Variants in RBCK1 observed in about 807,000 individuals in gnomAD.
RBCK1 encodes the protein RANBP2-type and C3HC4-type zinc finger containing 1.
Under a neutral mutation model 71.1 loss-of-function variants are expected in RBCK1, and 44 were observed. That is an observed-to-expected ratio of 0.62 (90% confidence interval 0.49 to 0.80). RBCK1 has a LOEUF of 0.80. Among genes scored for constraint, RBCK1 ranks in the 30% least tolerant of loss-of-function variants. RBCK1 has a pLI of 0.00. For synonymous variants in RBCK1, 306 were observed against 279.7 expected, an observed-to-expected ratio of 1.09 and a Z score of -0.94; for missense variants, 569 against 685.0, an observed-to-expected ratio of 0.83 and a Z score of 1.89.
Position 422,223 on chromosome 20 carries a change from G to A in RBCK1, c.1014G>A (p.Glu338=). 1 of 1,613,564 alleles carries A rather than the reference G, an allele frequency of 6.2e-7. No homozygotes were observed. The highest frequency in any genetic ancestry group is 8.5e-7 in the Non-Finnish European group (1 of 1,179,934). Residue 338 remains glutamate (E), a synonymous_variant, in exon 8 of 12, where the codon GAG becomes GAA. Coordinates refer to ENST00000356286, the MANE Select transcript of RBCK1 (RefSeq NM_031229.4). The surrounding 1 kb of genome is among the most constrained non-coding windows in gnomAD (Gnocchi z 5.0). ...NTYSCSGKLL[E]REIKALLTPE... ...ACTCGTGCTCGGGCAAGCTGCTGGA[G>A]AGGGAGATCAAGGCGGTAAGGCCTC...
Position 428,685 on chromosome 20 carries a change from C to T in RBCK1, c.1308+96C>T. On this transcript the variant is annotated intron_variant, in intron 10 of 11. Transcript: ENST00000356286. The surrounding 1 kb of genome is among the most constrained non-coding windows in gnomAD (Gnocchi z 5.7). ...CAGTAAGGGCTGTGCTCACACATCC[C>T]TGGAGGCTCTGACCTCCCTTCTGGC... The T allele has an allele frequency of 7.2e-7, 1 of 1,382,792 alleles. No homozygotes were observed. The allele number at this position is 1,382,792 out of a possible 1,614,324, so 85.7% of individuals were successfully genotyped here. A position where few individuals can be genotyped will look rare whatever the true frequency, so the allele number is the denominator to read the frequency against.
chr20:417,131 G>C lies in RBCK1; in HGVS notation c.168-395G>C. ...ACAGCAGTACCTGTCTGATGGGTTG[G>C]TTGAGAGGATTAAATGAGTTAATAC... On this transcript the variant is annotated intron_variant, in intron 2 of 11. Transcript: ENST00000356286. The surrounding 1 kb of genome is among the most constrained non-coding windows in gnomAD (Gnocchi z 4.7). 6.4e-6 allele frequency: 3 copies of C among 467,098 alleles called. No homozygotes were observed. Among genetic ancestry groups the C allele is most frequent in the South Asian group, 4.7e-5 (3 of 63,942 alleles). The allele number at this position is 467,098 out of a possible 1,614,324, so 28.9% of individuals were successfully genotyped here.
rs529943840 is a variant in RBCK1 at position 431,774 on chromosome 20, C to T, written c.*1344C>T. ...CCTGCATTGGCTCAGGGCAGTCAAC[C>T]GTCGCAGAGGATGAGGGGCACACTC... On this transcript the variant is annotated 3_prime_UTR_variant, in exon 12 of 12. Coordinates refer to ENST00000356286, the MANE Select transcript of RBCK1 (RefSeq NM_031229.4). The surrounding 1 kb of genome is among the most constrained non-coding windows in gnomAD (Gnocchi z 4.8). Among the ~76,000 whole-genome samples, 151 of 152,308 alleles carry T rather than the reference C, an allele frequency of 9.9e-4. No homozygotes were observed. Among genetic ancestry groups the T allele is most frequent in the African/African-American group, 3.4e-3 (141 of 41,572 alleles).
chr20:410,094 T>A, intron 2 of RBCK1, 69 bp downstream of exon 2: 1 of 1,521,896 alleles, frequency 6.6e-7, no homozygotes, highest in South Asian at 1.2e-5. Flanking sequence ...GTAGAACAGT[T>A]CTTCCTAATG....
Position 408,727 on chromosome 20 carries a change from C to T in RBCK1, c.-31C>T. 6.2e-7 allele frequency: 1 copy of T among 1,610,438 alleles called. No homozygotes were observed. Among genetic ancestry groups the T allele is most frequent in the Non-Finnish European group, 8.5e-7 (1 of 1,179,406 alleles). On this transcript the variant is annotated 5_prime_UTR_variant, in exon 1 of 12. Coordinates refer to ENST00000356286, the MANE Select transcript of RBCK1 (RefSeq NM_031229.4). ...GTAGCATTTCCCAGGAGGCACGGTC[C>T]CCCCCAGGGGGATGGGCACAGCCAC...
intron 8 of RBCK1, among the ~76,000 whole-genome samples, chr20:424,866 T>C (rs972000825): frequency 6.6e-6 from 1 of 152,176 alleles, no homozygotes; most frequent in Non-Finnish European, 1.5e-5. Context: ...CCAAGTAATG[T>C]AGTGGAGGTT....
chr20:427,231 C>T, intron 8 of RBCK1, 82 bp from the exon 9 acceptor site: 1 of 1,409,444 alleles, frequency 7.1e-7, no homozygotes, highest in Non-Finnish European at 9.7e-7. Context: ...GGGCTGGGGG[C>T]TTTCTGGAGG....
At chr20:409,795 A>C in intron 1 of RBCK1, 86 bp from the exon 2 acceptor site, 1 of 1,533,676 alleles carries the variant, frequency 6.5e-7, no homozygotes, top group Non-Finnish European at 8.8e-7. Context: ...AGCACACACA[A>C]AGGATCGCCT....
chr20:426,542 T>C (rs1246709009), intron 8 of RBCK1, among the ~76,000 whole-genome samples: 2 of 152,230 alleles, frequency 1.3e-5, no homozygotes, highest in African/African-American at 4.8e-5. Context: ...GCATTCTTTT[T>C]TGTGGCCGAA....
In RBCK1 at chr20:411,939, C is replaced by T. The variant is rs552415974; in HGVS notation, c.167+1914C>T. Among the ~76,000 whole-genome samples, 29 of 152,318 alleles carry T rather than the reference C, an allele frequency of 1.9e-4. No homozygotes were observed. The South Asian group carries it at 3.5e-3, about 18-fold the overall frequency. ...TTTTGGCTATTATAAACAATGCTGC[C>T]GTGAACATTTGTGTCCAACTTTTTG... On this transcript the variant is annotated intron_variant, in intron 2 of 11. Transcript: ENST00000356286.
At chr20:411,724 C>T (rs1020195849) in intron 2 of RBCK1, among the ~76,000 whole-genome samples, 3 of 152,134 alleles carry the variant, frequency 2.0e-5, no homozygotes, top group Admixed American at 1.3e-4. Flanking sequence ...GTTGTCTGGG[C>T]TGGTCTTGAA....
intron 11 of RBCK1, 132 bp downstream of exon 11, chr20:429,226 ATTTT>A (rs146561173): frequency 6.5e-5 from 65 of 1,002,768 alleles, no homozygotes; most frequent in African/African-American, 1.9e-4. Flanking sequence ...CGAGGTAAGA[ATTTT>A]TTTTTTTTTT....
chr20:409,537 C>T (rs536799897), intron 1 of RBCK1, among the ~76,000 whole-genome samples: 2 of 152,122 alleles, frequency 1.3e-5, no homozygotes, highest in South Asian at 4.2e-4. Flanking sequence ...AGGAGAGGGG[C>T]CCTGTTTATA....
chr20:421,111 C>T (rs1170489678), intron 7 of RBCK1, 80 bp downstream of exon 7: 1 of 1,439,252 alleles, frequency 6.9e-7, no homozygotes, highest in Non-Finnish European at 9.2e-7. Flanking sequence ...GGGTGGGGCC[C>T]TGTGCTCTGA....
At chr20:416,102 G>A (rs371850464) in intron 2 of RBCK1, among the ~76,000 whole-genome samples, 108 of 150,956 alleles carry the variant, frequency 7.2e-4, no homozygotes, top group East Asian at 3.1e-3. Flanking sequence ...ACTATCTCCC[G>A]TTTTTCCTGT....
chr20:414,003 G>A (rs1234042622), intron 2 of RBCK1, among the ~76,000 whole-genome samples: 1 of 151,176 alleles, frequency 6.6e-6, no homozygotes, highest in Non-Finnish European at 1.5e-5. Context: ...TCTGTGCTCT[G>A]ATGCTTCAGG....
At chr20:418,326 A>G (rs185899302) in intron 4 of RBCK1, among the ~76,000 whole-genome samples, 2 of 152,358 alleles carry the variant, frequency 1.3e-5, no homozygotes, top group African/African-American at 2.4e-5. Flanking sequence ...AAAGTAGTAC[A>G]TAAAGAATTC....
rs757959297 is a variant in RBCK1, at chr20:408,775, G to A, written c.18G>A (p.Lys6=). Residue 6 remains lysine (K), a synonymous_variant, in exon 1 of 12, where the codon AAG becomes AAA. Transcript: ENST00000356286. MDEKT[K]KAEEMALSLT... Reference sequence around the variant, plus strand: ...CACGCCAGATGGACGAGAAGACCAAGAAAGGTGGGCACAGGCTGGAGGTGG... The same window carrying A: ...CACGCCAGATGGACGAGAAGACCAAAAAAGGTGGGCACAGGCTGGAGGTGG... 1 of 1,611,808 alleles carries A rather than the reference G, an allele frequency of 6.2e-7. No individual in the cohort carries two copies. The highest frequency in any genetic ancestry group is 1.7e-4 in the Middle Eastern group (1 of 6,056).
chr20:413,524 T>C (rs1242580995), intron 2 of RBCK1, among the ~76,000 whole-genome samples: 1 of 152,228 alleles, frequency 6.6e-6, no homozygotes. Flanking sequence ...GAAGTATCAT[T>C]GTGGACACTT....
Sources: allele counts gnomAD v4.1 joint callset (sites outside exome capture counted in the v4.1 genomes callset), GRCh38; gene constraint gnomAD v4.1.1; non-coding constraint Gnocchi (gnomAD v3.1); transcripts MANE v1.5; gene names NCBI Gene and HGNC (gene_info 2026-07-23, HGNC 2026-07-21).